ABCA2: variants seen among roughly 807,000 people sequenced by gnomAD.
ABCA2 encodes the protein ATP-binding cassette sub-family A member 2.
ABCA2 carries 84 observed loss-of-function variants against 262.8 expected under a neutral mutation model. That is an observed-to-expected ratio of 0.32 (90% CI 0.27 to 0.38). The LOEUF (loss-of-function observed/expected upper bound fraction) is 0.38. Among genes scored for constraint, ABCA2 ranks in the 10% least tolerant of loss-of-function variants. ABCA2 has a pLI of 1.00. For synonymous variants in ABCA2, 1,696 were observed against 1,502.9 expected (o/e 1.13, Z -2.97); for missense variants, 2,662 against 3,405.9 (o/e 0.78, Z 5.44).
rs765721876 is a variant in ABCA2 at position 137,018,154 on chromosome 9, C to A, written c.1993+24G>T. 3 of 1,610,448 alleles carry A rather than the reference C, an allele frequency of 1.9e-6. No individual in the cohort carries two copies. The African/African-American group carries it at 4.0e-5, about 22-fold the overall frequency. On this transcript the variant is annotated intron_variant, in intron 14 of 48. Transcript: ENST00000341511. ...TGTCCTCCCCCATGAATCCTCCAGCCGGTCTTCCGGGCCTGCTCCTCACCC... is the reference window on the plus strand; with the variant it reads ...TGTCCTCCCCCATGAATCCTCCAGCAGGTCTTCCGGGCCTGCTCCTCACCC...
In ABCA2 at chr9:137,017,546, G is replaced by A. The variant is rs77015402; in HGVS notation, c.2358C>T (p.Ile786=). The stretch of plus-strand genomic sequence containing the variant: ...CCGCGTAGACTGCCAGGAAGAGCCA[G>A]ATGATGACCACGTGGCTGTGCATAA... ...QVLMHSHVVI[I]WLFLAVYAVA... The change falls in exon 17 of 49, where the codon ATC becomes ATT. Residue 786 remains isoleucine (I), a synonymous_variant. Coordinates refer to ENST00000341511, the MANE Select transcript of ABCA2 (RefSeq NM_001606.5). The A allele has an allele frequency of 3.0e-4, 480 of 1,611,884 alleles. 7 individuals are homozygous for A. The East Asian group carries it at 0.011, about 36-fold the overall frequency.
At position 137,021,126 on chromosome 9, in the gene ABCA2, G is replaced by A. The variant is rs1831440676; in HGVS notation, c.898-65C>T. 6.9e-7 allele frequency: 1 copy of A among 1,442,228 alleles called. No homozygotes were observed. Among genetic ancestry groups the A allele is most frequent in the Non-Finnish European group, 9.1e-7 (1 of 1,101,098 alleles). 89.3% of individuals were successfully genotyped at this position (1,442,228 alleles called of 1,614,324 possible). ...GGACTGCAGGTGGGTGATAGGTCAG[G>A]AGTGGAGCAGGGAGACAGCAGCAGG... On this transcript the variant is annotated intron_variant, in intron 8 of 48. Transcript: ENST00000341511. The surrounding 1 kb of genome is among the most constrained non-coding windows in gnomAD (Gnocchi z 6.0).
Position 137,021,958 on chromosome 9 carries a change from T to C in ABCA2, c.611A>G (p.Gln204Arg). The change falls in exon 7 of 49, where the codon CAG becomes CGG. Residue 204 changes from glutamine (Q) to arginine (R), a missense_variant. Physicochemically the swap from Gln to Arg is conservative, Grantham distance 43. Around this residue, in one of 12 missense-constraint regions of ABCA2, gnomAD observed 403 missense variants for 375.9 expected, o/e 1.07. Coordinates refer to ENST00000341511, the MANE Select transcript of ABCA2 (RefSeq NM_001606.5). This position sits in a 1 kb window ranked among gnomAD's most constrained non-coding sequence, Gnocchi z 6.0. ...LFGPSSALDS[Q>R]SGLHKGQEPW... ...CTCCTGACCCTTGTGGAGGCCAGACTGTGAATCCAGGGCAGATGAGGGACC... is the reference window on the plus strand; with the variant it reads ...CTCCTGACCCTTGTGGAGGCCAGACCGTGAATCCAGGGCAGATGAGGGACC... 6.2e-7 allele frequency: 1 copy of C among 1,603,950 alleles called. No homozygotes were observed. Among genetic ancestry groups the C allele is most frequent in the Non-Finnish European group, 8.5e-7 (1 of 1,176,602 alleles).
Position 137,013,460 on chromosome 9 carries a change from C to CCGGTA in ABCA2, c.4546_4550dup (p.Leu1518ThrfsTer15). 6.2e-7 allele frequency: 1 copy of CCGGTA among 1,603,072 alleles called. No individual in the cohort carries two copies. The highest frequency in any genetic ancestry group is 8.5e-7 in the Non-Finnish European group (1 of 1,176,856). ...AAGGCTGCCCCCGCTGGAGGCCTCA[C>CCGGTA]CGGTACTCGCGGCGCTCCTCGTTGG... On this transcript the variant is annotated frameshift_variant and splice_region_variant. Transcript: ENST00000341511. LOFTEE classifies it high-confidence loss of function.
Position 137,020,725 on chromosome 9 carries a change from C to A in ABCA2, c.1234G>T (p.Gly412Cys). 1.2e-6 allele frequency: 2 copies of A among 1,601,294 alleles called. No individual in the cohort carries two copies. The highest frequency in any genetic ancestry group is 8.5e-7 in the Non-Finnish European group (1 of 1,179,308). Reference sequence around the variant, plus strand: ...TTGCCACACAAGATGGGCTGCAGGCCGGCCCAGAGCTGTACGAAGGCTGAG... The same window carrying A: ...TTGCCACACAAGATGGGCTGCAGGCAGGCCCAGAGCTGTACGAAGGCTGAG... Reference protein sequence around the residue: ...QCSAFVQLWAGLQPILCGNNR... With the variant: ...QCSAFVQLWACLQPILCGNNR... Residue 412 changes from glycine to cysteine, a missense_variant, in exon 9 of 49, where the codon GGC (glycine) becomes TGC (cysteine). Physicochemically the swap from Gly to Cys is radical, Grantham distance 159 (BLOSUM62 -3). This residue lies in a region of ABCA2 where 92 missense variants were observed against 146.7 expected (regional missense o/e 0.63). Coordinates refer to ENST00000341511, the MANE Select transcript of ABCA2 (RefSeq NM_001606.5).
rs762489608 is a variant in ABCA2, at chr9:137,019,310, C to T, written c.1426-4G>A. On this transcript the variant is annotated splice_polypyrimidine_tract_variant and splice_region_variant and intron_variant, in intron 10 of 48. Coordinates refer to ENST00000341511, the MANE Select transcript of ABCA2 (RefSeq NM_001606.5). The surrounding 1 kb of genome is among the most constrained non-coding windows in gnomAD (Gnocchi z 4.4). ...CAAAAGCAAAAGTCTCGTTGGCCTG[C>T]AGGGGGTGAGGCAGGGGCATGGAGT... 1.9e-6 allele frequency: 3 copies of T among 1,612,244 alleles called. No individual in the cohort carries two copies. The highest frequency in any genetic ancestry group is 4.5e-5 in the East Asian group (2 of 44,866).
At position 137,016,149 on chromosome 9, in the gene ABCA2, G is replaced by A; in HGVS notation, c.3130C>T (p.Pro1044Ser). ...TAGATGGTGGCGGAACCCGACGTTG[G>A]AGGGAACAGGCCGGTCAGGATGGAC... is the stretch of plus-strand genomic sequence containing the variant. ...TMSILTGLFP[P>S]TSGSATIYGH... Residue 1044 changes from proline (P) to serine (S), a missense_variant, in exon 22 of 49, where the codon CCA becomes TCA. Around this residue, in one of 12 missense-constraint regions of ABCA2, gnomAD observed 180 missense variants for 307.3 expected, o/e 0.59. Coordinates refer to ENST00000341511, the MANE Select transcript of ABCA2 (RefSeq NM_001606.5). 2 of 1,612,868 alleles carry A rather than the reference G, an allele frequency of 1.2e-6. No homozygotes were observed. Among genetic ancestry groups the A allele is most frequent in the Non-Finnish European group, 1.7e-6 (2 of 1,180,000 alleles).
chr9:137,007,857 C>T lies in ABCA2; in HGVS notation c.*72G>A. 3 of 1,587,524 alleles carry T rather than the reference C, an allele frequency of 1.9e-6. No homozygotes were observed. Among genetic ancestry groups the T allele is most frequent in the Non-Finnish European group, 1.7e-6 (2 of 1,172,156 alleles). On this transcript the variant is annotated 3_prime_UTR_variant, in exon 49 of 49. Coordinates refer to ENST00000341511, the MANE Select transcript of ABCA2 (RefSeq NM_001606.5). ...TGGCAGGCACTGGGGGACTTCTGTCCCCATTGTTGAGTCCCTGGCCCAGCT... is the reference window on the plus strand; with the variant it reads ...TGGCAGGCACTGGGGGACTTCTGTCTCCATTGTTGAGTCCCTGGCCCAGCT...
At position 137,020,320 on chromosome 9, in the gene ABCA2, T is replaced by TC. The variant is rs1831407221; in HGVS notation, c.1425+15dup. On this transcript the variant is annotated intron_variant, in intron 10 of 48. Transcript: ENST00000341511. ...CACTCTGCCTGTCAAACATGGAGCGTCCCAGACCCGTGCACCTTGAGGATG... is the reference window on the plus strand; with the variant it reads ...CACTCTGCCTGTCAAACATGGAGCGTCCCCAGACCCGTGCACCTTGAGGATG... 4 of 1,611,232 alleles carry TC rather than the reference T, an allele frequency of 2.5e-6. No homozygotes were observed. Among genetic ancestry groups the TC allele is most frequent in the African/African-American group, 1.3e-5 (1 of 74,892 alleles).
Position 137,021,811 on chromosome 9 carries a change from C to T in ABCA2, c.678+80G>A, listed in dbSNP as rs1831462826. The T allele has an allele frequency of 7.2e-6, 10 of 1,380,122 alleles. No homozygotes were observed. Among genetic ancestry groups the T allele is most frequent in the Admixed American group, 2.0e-5 (1 of 50,228 alleles). 85.5% of individuals were successfully genotyped at this position (1,380,122 alleles called of 1,614,324 possible). On this transcript the variant is annotated intron_variant, in intron 7 of 48. Coordinates refer to ENST00000341511, the MANE Select transcript of ABCA2 (RefSeq NM_001606.5). This position sits in a 1 kb window ranked among gnomAD's most constrained non-coding sequence, Gnocchi z 6.0. Reference sequence around the variant, plus strand: ...GAGGAGCTCCAAGTCACCAAAGGGGCCCTTTCCTCACCCACGGAGCAGAAG... The same window carrying T: ...GAGGAGCTCCAAGTCACCAAAGGGGTCCTTTCCTCACCCACGGAGCAGAAG...
At position 137,022,767 on chromosome 9, in the gene ABCA2, C is replaced by T. The variant is rs1564230850; in HGVS notation, c.374G>A (p.Arg125His). ...CGCACTGAGGGCCTCCAGATGCTGG[C>T]GTAGGGCCTCGAGCTCTGAGCCCAG... is the stretch of plus-strand genomic sequence containing the variant. Reference protein sequence around the residue: ...PSLGSELEALRQHLEALSAGP... With the variant: ...PSLGSELEALHQHLEALSAGP... Residue 125 changes from arginine (R) to histidine (H), a missense_variant, in exon 5 of 49, where the codon CGC becomes CAC. By Grantham distance (29) the Arg-to-His change is conservative. Around this residue, in one of 12 missense-constraint regions of ABCA2, gnomAD observed 403 missense variants for 375.9 expected, o/e 1.07. Transcript: ENST00000341511. 3.7e-6 allele frequency: 6 copies of T among 1,601,678 alleles called. No individual in the cohort carries two copies. The highest frequency in any genetic ancestry group is 3.5e-4 in the Middle Eastern group (2 of 5,772).
Position 137,021,089 on chromosome 9 carries a change from G to T in ABCA2, c.898-28C>A, listed in dbSNP as rs1363456219. On this transcript the variant is annotated intron_variant, in intron 8 of 48. Transcript: ENST00000341511. This position sits in a 1 kb window ranked among gnomAD's most constrained non-coding sequence, Gnocchi z 6.0. ...GAGGGGAAACAGGCACGTGGGCAGT[G>T]CGGGGTGAGATGGACTGCAGGTGGG... is the stretch of plus-strand genomic sequence containing the variant. The T allele has an allele frequency of 6.8e-7, 1 of 1,461,268 alleles. No individual in the cohort carries two copies. The highest frequency in any genetic ancestry group is 1.4e-5 in the South Asian group (1 of 70,174). The allele number at this position is 1,461,268 out of a possible 1,614,324, so 90.5% of individuals were successfully genotyped here. A position where few individuals can be genotyped will look rare whatever the true frequency, so the allele number is the denominator to read the frequency against.
At chr9:137,022,294 G>C in intron 6 of ABCA2, 57 bp downstream of exon 6, 1 of 1,523,308 alleles carries the variant, frequency 6.6e-7, no homozygotes, top group South Asian at 1.3e-5. Flanking sequence ...TCAGCAACCA[G>C]GGGGCGTGGC....
At chr9:137,022,654 G>C (rs946662317) in intron 5 of ABCA2, 48 bp downstream of exon 5, 26 of 1,582,792 alleles carry the variant, frequency 1.6e-5, no homozygotes, top group Non-Finnish European at 2.1e-5. Context: ...AGTGACAGCA[G>C]AGCTTTGCCC....
At chr9:137,026,375 G>A (rs1030386264) in intron 1 of ABCA2, among the ~76,000 whole-genome samples, 1 of 152,216 alleles carries the variant, frequency 6.6e-6, no homozygotes, top group Non-Finnish European at 1.5e-5. Flanking sequence ...TTGGCCCCAA[G>A]AGTCCAGCTC....
In ABCA2 at chr9:137,011,578, G is replaced by T. The variant is rs763382929; in HGVS notation, c.5652-24C>A. 3 of 1,564,162 alleles carry T rather than the reference G, an allele frequency of 1.9e-6. No individual in the cohort carries two copies. In the Admixed American group the frequency reaches 5.7e-5, roughly 30 times the overall value. Reference sequence around the variant, plus strand: ...ACCTGCGGGCAGGTGGCGGGCAGTGGTCACCAGGCAGCCCCGGTCCCACCT... The same window carrying T: ...ACCTGCGGGCAGGTGGCGGGCAGTGTTCACCAGGCAGCCCCGGTCCCACCT... On this transcript the variant is annotated intron_variant, in intron 36 of 48. Coordinates refer to ENST00000341511, the MANE Select transcript of ABCA2 (RefSeq NM_001606.5). The surrounding 1 kb of genome is among the most constrained non-coding windows in gnomAD (Gnocchi z 8.8).
chr9:137,016,765 C>T, intron 19 of ABCA2, 27 bp from the exon 20 acceptor site: 1 of 1,538,934 alleles, frequency 6.5e-7, no homozygotes. Flanking sequence ...GGAGGGGAGG[C>T]TGACCTAGGG....
At chr9:137,016,542 C>A (rs1331819562) in intron 20 of ABCA2, 32 bp downstream of exon 20, 10 of 1,612,220 alleles carry the variant, frequency 6.2e-6, no homozygotes, top group Non-Finnish European at 8.5e-6. Context: ...ACCCAGCGCC[C>A]ACCCCAGCCA....
At chr9:137,018,587 G>A (rs1487846605) in intron 13 of ABCA2, 132 bp downstream of exon 13, 1 of 717,834 alleles carries the variant, frequency 1.4e-6, no homozygotes, top group Admixed American at 2.4e-5. Context: ...GGGGTGGGGA[G>A]GGGAAGTGGC....
Sources: allele counts gnomAD v4.1 joint callset (sites outside exome capture counted in the v4.1 genomes callset), GRCh38; gene constraint gnomAD v4.1.1; regional missense constraint gnomAD v4.1.1; non-coding constraint Gnocchi (gnomAD v3.1); transcripts MANE v1.5; gene names NCBI Gene and HGNC (gene_info 2026-07-23, HGNC 2026-07-21).